The following EDN2 variants were observed in gnomAD, a reference collection of about 807,000 sequenced individuals.
EDN2 encodes the protein endothelin 2.
A neutral mutation model predicts 19.9 loss-of-function variants in EDN2; 10 were observed. The ratio of observed to expected loss-of-function variants is 0.50; its 90% CI spans 0.31 to 0.85. The LOEUF (loss-of-function observed/expected upper bound fraction) is 0.85. Ranked by LOEUF, EDN2 falls within the 40% of genes least tolerant of loss-of-function variation. The pLI, the probability that EDN2 is intolerant of heterozygous loss-of-function variation, is 0.05. For synonymous variants in EDN2, 84 were observed against 94.9 expected, an observed-to-expected ratio of 0.89 and a Z score of 0.67; for missense variants, 222 against 239.3, an observed-to-expected ratio of 0.93 and a Z score of 0.48.
intron 4 of EDN2, 123 bp from the exon 5 acceptor site, chr1:41,479,625 G>A (rs1272815058): frequency 1.3e-6 from 1 of 788,114 alleles, no homozygotes; most frequent in Non-Finnish European, 2.1e-6. Context: ...AGCGGCCCTG[G>A]GGTCAGACAG....
At chr1:41,480,804 C>G (rs1432530904) in intron 4 of EDN2, 3 of 583,986 alleles carry the variant, frequency 5.1e-6, no homozygotes, top group Middle Eastern at 2.6e-4. Context: ...CCATTCAGCA[C>G]AGCCTGAACG....
At chr1:41,482,797 C>T (rs1644259506) in intron 2 of EDN2, 1 of 526,340 alleles carries the variant, frequency 1.9e-6, no homozygotes, top group Non-Finnish European at 3.0e-6. Context: ...ACTGAAGTCA[C>T]AGGCTACTCC....
rs970429185 is a variant in EDN2, at chr1:41,478,884, T to C, written c.*525A>G. On this transcript the variant is annotated 3_prime_UTR_variant, in exon 5 of 5. Coordinates refer to ENST00000372587, the MANE Select transcript of EDN2 (RefSeq NM_001956.5). ...CAAAGTTCTTAGGGCAAATAAGTTA[T>C]ATACAGACAGGAAAAGCAGAGCAGG... is the stretch of plus-strand genomic sequence containing the variant. 2 of 229,512 alleles carry C rather than the reference T, an allele frequency of 8.7e-6. No individual in the cohort carries two copies. Among genetic ancestry groups the C allele is most frequent in the Non-Finnish European group, 1.7e-5 (2 of 114,354 alleles). 14.2% of individuals were successfully genotyped at this position (229,512 alleles called of 1,614,324 possible).
intron 4 of EDN2, chr1:41,480,840 G>A: frequency 1.5e-6 from 1 of 649,082 alleles, no homozygotes. Flanking sequence ...TCCCAGTCAT[G>A]AGCCTTCAAA....
At chr1:41,481,892 G>T (rs1644250740) in intron 3 of EDN2, among the ~76,000 whole-genome samples, 1 of 152,176 alleles carries the variant, frequency 6.6e-6, no homozygotes, top group African/African-American at 2.4e-5. Context: ...CTCCATGTGG[G>T]TGAGGGAAGG....
At chr1:41,480,608 C>G (rs1005929632) in intron 4 of EDN2, 13 of 415,398 alleles carry the variant, frequency 3.1e-5, no homozygotes, top group Admixed American at 1.5e-4. Flanking sequence ...CCTACAGCCA[C>G]TCTGCTGCCC....
In EDN2 at chr1:41,484,673, G is replaced by A; in HGVS notation, c.-72C>T. The stretch of plus-strand genomic sequence containing the variant: ...TGCCAGCGTCCTGCTATTAAGCTGA[G>A]CAGATAGCTCATTGCCTCGGTGCCC... On this transcript the variant is annotated 5_prime_UTR_variant, in exon 1 of 5. Transcript: ENST00000372587. 1 of 1,520,212 alleles carries A rather than the reference G, an allele frequency of 6.6e-7. No homozygotes were observed. The highest frequency in any genetic ancestry group is 1.2e-5 in the South Asian group (1 of 82,396). 94.2% of individuals were successfully genotyped at this position (1,520,212 alleles called of 1,614,324 possible).
Position 41,479,293 on chromosome 1 carries a change from T to G in EDN2, c.*116A>C, listed in dbSNP as rs758934009. On this transcript the variant is annotated 3_prime_UTR_variant, in exon 5 of 5. Coordinates refer to ENST00000372587, the MANE Select transcript of EDN2 (RefSeq NM_001956.5). ...GCCAATCCTGGCAAATGGGTCCAGC[T>G]GTCTGGGACCAAGGCCCCGGTCCAG... The G allele has an allele frequency of 4.4e-6, 4 of 904,422 alleles. No individual in the cohort carries two copies. Among genetic ancestry groups the G allele is most frequent in the Non-Finnish European group, 7.1e-6 (4 of 561,170 alleles). The allele number at this position is 904,422 out of a possible 1,614,324, so 56.0% of individuals were successfully genotyped here.
rs373385502 is a variant in EDN2, at chr1:41,479,404, C to T, written c.*5G>A. The T allele has an allele frequency of 2.5e-5, 40 of 1,612,682 alleles. No homozygotes were observed. Among genetic ancestry groups the T allele is most frequent in the African/African-American group, 1.2e-4 (9 of 75,024 alleles). ...TCCTTCCCAATGTTCCTCCAGCTCACGACACTATCTCTTCCTCCACCTGGA... is the reference window on the plus strand; with the variant it reads ...TCCTTCCCAATGTTCCTCCAGCTCATGACACTATCTCTTCCTCCACCTGGA... On this transcript the variant is annotated 3_prime_UTR_variant, in exon 5 of 5. Transcript: ENST00000372587.
intron 4 of EDN2, among the ~76,000 whole-genome samples, chr1:41,479,864 C>A (rs937547886): frequency 6.6e-6 from 1 of 152,226 alleles, no homozygotes; most frequent in African/African-American, 2.4e-5. Context: ...TGTGTGTATT[C>A]CCCTCACCCA....
chr1:41,482,527 G>T lies in EDN2; in HGVS notation c.283C>A (p.Arg95Ser). 1 of 1,594,210 alleles carries T rather than the reference G, an allele frequency of 6.3e-7. No individual in the cohort carries two copies. The highest frequency in any genetic ancestry group is 1.1e-5 in the South Asian group (1 of 89,630). Residue 95 changes from arginine to serine, a missense_variant, in exon 3 of 5, where the codon CGC becomes AGC. By Grantham distance (110) the Arg-to-Ser change is moderately radical. Transcript: ENST00000372587. The stretch of plus-strand genomic sequence containing the variant: ...TCCCTGGCACTGGAGCACTGACAGC[G>T]CCTTGGCAGGGAGCGGCGCCGGCGT... ...PRRRRRSLPR[R>S]CQCSSARDPA...
At chr1:41,484,285 C>T in intron 1 of EDN2, 82 bp from the exon 2 acceptor site, 2 of 1,513,866 alleles carry the variant, frequency 1.3e-6, no homozygotes, top group Non-Finnish European at 1.8e-6. Flanking sequence ...CCACCATGCC[C>T]CTCCTCTTGC....
At chr1:41,481,713 A>G (rs11210270) in intron 3 of EDN2, among the ~76,000 whole-genome samples, 36,388 of 151,782 alleles carry the variant, frequency 0.24, 5,575 homozygotes, top group African/African-American at 0.44. Flanking sequence ...CAATTTTTTT[A>G]TATTTTTAGT....
Position 41,484,593 on chromosome 1 carries a change from G to C in EDN2, c.9C>G (p.Ser3=). MV[S]VPTTWCSVAL... is the part of the protein sequence containing the mutation. ...CAACGGAGCACCAGGTGGTAGGCAC[G>C]GAGACCATAGCGGCGGTGGAGCGCG... The change falls in exon 1 of 5, where the codon TCC becomes TCG. Residue 3 remains serine (S), a synonymous_variant. Transcript: ENST00000372587. 1 of 1,559,790 alleles carries C rather than the reference G, an allele frequency of 6.4e-7. No homozygotes were observed. Among genetic ancestry groups the C allele is most frequent in the Non-Finnish European group, 8.7e-7 (1 of 1,151,980 alleles).
chr1:41,481,338 T>A (rs960632173), intron 3 of EDN2, 145 bp from the exon 4 acceptor site: 3 of 616,650 alleles, frequency 4.9e-6, no homozygotes, highest in Non-Finnish European at 8.5e-6. Flanking sequence ...GCACCTGGCA[T>A]CTTTCCCTTT....
chr1:41,481,009 C>A, intron 4 of EDN2, 86 bp downstream of exon 4: 1 of 1,173,174 alleles, frequency 8.5e-7, no homozygotes. Flanking sequence ...CCAATGAGGA[C>A]CCAGGCCTGC....
At position 41,479,492 on chromosome 1, in the gene EDN2, T is replaced by C. The variant is rs1644229178; in HGVS notation, c.454A>G (p.Thr152Ala). Residue 152 changes from threonine to alanine, a missense_variant, in exon 5 of 5, where the codon ACA becomes GCA. Transcript: ENST00000372587. Reference protein sequence around the residue: ...ELLQRLRDISTVKSLFAKRQQ... With the variant: ...ELLQRLRDISAVKSLFAKRQQ... ...CGCTTGGCAAAGAGGCTCTTGACTG[T>C]GGAAATGTCCCTGGGAATCAAGAAG... is the stretch of plus-strand genomic sequence containing the variant. 2 of 1,614,092 alleles carry C rather than the reference T, an allele frequency of 1.2e-6. No homozygotes were observed. The highest frequency in any genetic ancestry group is 1.1e-5 in the South Asian group (1 of 91,078).
Position 41,479,518 on chromosome 1 carries a change from G to C in EDN2, c.444-16C>G. On this transcript the variant is annotated splice_polypyrimidine_tract_variant and intron_variant, in intron 4 of 4. Transcript: ENST00000372587. Reference sequence around the variant, plus strand: ...GGAAATGTCCCTGGGAATCAAGAAGGGTCAACTTAGCATCTCAGGAGATAT... The same window carrying C: ...GGAAATGTCCCTGGGAATCAAGAAGCGTCAACTTAGCATCTCAGGAGATAT... 6.2e-7 allele frequency: 1 copy of C among 1,607,046 alleles called. No homozygotes were observed. The highest frequency in any genetic ancestry group is 8.5e-7 in the Non-Finnish European group (1 of 1,173,514).
In EDN2 at chr1:41,484,041, G is replaced by A. The variant is rs1271072667; in HGVS notation, c.221+6C>T. 1.3e-6 allele frequency: 2 copies of A among 1,592,566 alleles called. No homozygotes were observed. The highest frequency in any genetic ancestry group is 2.3e-5 in the East Asian group (1 of 44,036). ...CCCCCTGCCCCCAATCCCCATGGAT[G>A]CTCACTCAGGAGTGTTCACCCAGAT... On this transcript the variant is annotated splice_donor_region_variant and intron_variant, in intron 2 of 4. Transcript: ENST00000372587.
Sources: gnomAD v4.1 joint callset for allele counts (sites outside exome capture counted in the v4.1 genomes callset) on GRCh38, gnomAD v4.1.1 for gene constraint, MANE v1.5 for transcripts, NCBI Gene and HGNC (gene_info 2026-07-23, HGNC 2026-07-21) for gene names.